The following LSAMP variants were observed in gnomAD, a reference collection of about 807,000 sequenced individuals.
The protein encoded by LSAMP is limbic system associated membrane protein, also known as limbic system-associated membrane protein.
Under a neutral mutation model 38.6 loss-of-function variants are expected in LSAMP, and 7 were observed. The observed-to-expected ratio is 0.18, with a 90% CI of 0.10 to 0.34. The LOEUF is 0.34. LSAMP is among the 10% of genes least tolerant of loss of function. LSAMP has a pLI of 1.00. For synonymous variants in LSAMP, 154 were observed against 166.8 expected, an observed-to-expected ratio of 0.92 and a Z score of 0.59; for missense variants, 313 against 420.0, an observed-to-expected ratio of 0.75 and a Z score of 2.23.
intron 6 of LSAMP, among the ~76,000 whole-genome samples, chr3:115,826,085 T>C (rs1048143092): frequency 2.6e-5 from 4 of 151,956 alleles, no homozygotes; most frequent in Admixed American, 2.6e-4. Context: ...CTTCCCCTGC[T>C]TCTTCTCTTT....
intron 1 of LSAMP, among the ~76,000 whole-genome samples, chr3:116,340,337 T>C (rs1238686332): frequency 6.6e-6 from 1 of 152,054 alleles, no homozygotes; most frequent in East Asian, 1.9e-4. Context: ...TTTTCTTTTT[T>C]TGTGTTGTTG....
chr3:116,437,093 G>T (rs2107883029), intron 1 of LSAMP, among the ~76,000 whole-genome samples: 1 of 151,184 alleles, frequency 6.6e-6, no homozygotes, highest in South Asian at 2.1e-4. Context: ...AAAAAGGAAT[G>T]AATTAACAGC....
intron 2 of LSAMP, among the ~76,000 whole-genome samples, chr3:116,057,935 ACACACACACACACACACACACC>A (rs1436131810): frequency 2.2e-4 from 27 of 120,598 alleles, no homozygotes; most frequent in Non-Finnish European, 3.5e-4. Context: ...TAGTAGCTAC[ACACACACACACACACACACACC>A]CACACACACA....
At chr3:115,996,734 T>G (rs182089929) in intron 3 of LSAMP, among the ~76,000 whole-genome samples, 2 of 152,270 alleles carry the variant, frequency 1.3e-5, no homozygotes, top group East Asian at 3.9e-4. Flanking sequence ...CTTTATTCAT[T>G]TCTTTATTTA....
intron 3 of LSAMP, among the ~76,000 whole-genome samples, chr3:115,894,980 G>A (rs1007151256): frequency 1.4e-4 from 5 of 35,466 alleles, no homozygotes; most frequent in African/African-American, 6.3e-4. Flanking sequence ...AACCAAATGC[G>A]GATGAATAGA....
At chr3:116,064,631 A>G (rs1941651910) in intron 2 of LSAMP, among the ~76,000 whole-genome samples, 1 of 152,228 alleles carries the variant, frequency 6.6e-6, no homozygotes, top group Admixed American at 6.5e-5. Flanking sequence ...AATTAAAATG[A>G]AAACAACAAT....
intron 1 of LSAMP, among the ~76,000 whole-genome samples, chr3:116,261,078 C>T (rs1313680973): frequency 3.9e-5 from 6 of 152,178 alleles, no homozygotes; most frequent in Admixed American, 3.9e-4. Flanking sequence ...ACCTTGGTAT[C>T]ACAGTACTGT....
intron 3 of LSAMP, among the ~76,000 whole-genome samples, chr3:115,884,072 T>C (rs1260806123): frequency 6.6e-6 from 1 of 152,054 alleles, no homozygotes; most frequent in Admixed American, 6.6e-5. Context: ...AACAAATCAA[T>C]GATTCTGGGA....
chr3:116,314,934 T>C (rs2047608378), intron 1 of LSAMP, among the ~76,000 whole-genome samples: 1 of 152,230 alleles, frequency 6.6e-6, no homozygotes, highest in Non-Finnish European at 1.5e-5. Context: ...TTAAGCACTG[T>C]ATATTGAATA....
intron 1 of LSAMP, among the ~76,000 whole-genome samples, chr3:116,101,383 T>C (rs1708344323): frequency 6.6e-6 from 1 of 152,224 alleles, no homozygotes; most frequent in African/African-American, 2.4e-5. Flanking sequence ...TATACTATAA[T>C]AGATATGTGA....
At chr3:116,163,799 A>G (rs1709961630) in intron 1 of LSAMP, among the ~76,000 whole-genome samples, 1 of 152,032 alleles carries the variant, frequency 6.6e-6, no homozygotes, top group African/African-American at 2.4e-5. Context: ...TTCATGCCAC[A>G]TTTTTCATAT....
At chr3:116,250,481 A>T (rs1260706189) in intron 1 of LSAMP, among the ~76,000 whole-genome samples, 1 of 152,182 alleles carries the variant, frequency 6.6e-6, no homozygotes, top group Non-Finnish European at 1.5e-5. Flanking sequence ...TTCTGTATAG[A>T]AATTAAACAC....
intron 1 of LSAMP, among the ~76,000 whole-genome samples, chr3:116,409,946 T>C (rs1431603781): frequency 6.6e-6 from 1 of 152,094 alleles, no homozygotes; most frequent in Non-Finnish European, 1.5e-5. Flanking sequence ...TTCCTAACTC[T>C]GCCTCCTCTG....
At chr3:116,409,260 A>G (rs181452488) in intron 1 of LSAMP, among the ~76,000 whole-genome samples, 3 of 152,108 alleles carry the variant, frequency 2.0e-5, no homozygotes, top group African/African-American at 7.2e-5. Context: ...TTCCAGCCCA[A>G]ATTTGGCACA....
chr3:115,848,588 T>A (rs1452815077), intron 4 of LSAMP, among the ~76,000 whole-genome samples: 3 of 152,206 alleles, frequency 2.0e-5, no homozygotes, highest in Non-Finnish European at 4.4e-5. Flanking sequence ...TTCCTCTAAA[T>A]ACATGGCTAT....
intron 2 of LSAMP, among the ~76,000 whole-genome samples, chr3:116,058,284 C>T (rs540041668): frequency 6.6e-6 from 1 of 152,118 alleles, no homozygotes; most frequent in Middle Eastern, 3.4e-3. Context: ...CCACTAGACT[C>T]TTGTGATCCC....
chr3:116,110,999 C>T (rs1388857592), intron 1 of LSAMP, among the ~76,000 whole-genome samples: 1 of 151,522 alleles, frequency 6.6e-6, no homozygotes, highest in African/African-American at 2.4e-5. Context: ...GGCGGGGGGT[C>T]ACAAGGTGCT....
At chr3:116,399,193 A>G (rs1226809852) in intron 1 of LSAMP, among the ~76,000 whole-genome samples, 1 of 152,240 alleles carries the variant, frequency 6.6e-6, no homozygotes, top group Non-Finnish European at 1.5e-5. Context: ...TCTTTGGAAG[A>G]CATTTTAATT....
intron 4 of LSAMP, among the ~76,000 whole-genome samples, chr3:115,852,147 G>T (rs186779041): frequency 6.6e-6 from 1 of 152,280 alleles, no homozygotes; most frequent in East Asian, 1.9e-4. Context: ...GATACAAATT[G>T]TTGTTTTTTC....
Sources: allele counts gnomAD v4.1 joint callset (sites outside exome capture counted in the v4.1 genomes callset), GRCh38; gene constraint gnomAD v4.1.1; transcripts MANE v1.5; gene names NCBI Gene and HGNC (gene_info 2026-07-23, HGNC 2026-07-21).